IL1RAPL1: variants seen among roughly 807,000 people sequenced by gnomAD.
The protein encoded by IL1RAPL1 is interleukin 1 receptor accessory protein like 1.
A neutral mutation model predicts 48.4 loss-of-function variants in IL1RAPL1; 3 were observed. The ratio of observed to expected loss-of-function variants is 0.06; its 90% CI spans 0.03 to 0.16. The LOEUF (loss-of-function observed/expected upper bound fraction) is 0.16, where lower values mean the gene tolerates loss of function less well. Among genes scored for constraint, IL1RAPL1 ranks in the 10% least tolerant of loss-of-function variants. The pLI, the probability that IL1RAPL1 is intolerant of heterozygous loss-of-function variation, is 1.00. For synonymous variants in IL1RAPL1, 185 were observed against 187.7 expected (o/e 0.99, Z 0.12); for missense variants, 349 against 530.6 (o/e 0.66, Z 3.36).
chrX:28,590,972 G>A (rs945079786), intron 1 of IL1RAPL1, among the ~76,000 whole-genome samples: 6 of 111,925 alleles, frequency 5.4e-5, no homozygotes, highest in Non-Finnish European at 1.1e-4. Context: ...CTTTCTTTAG[G>A]AAGATTATGT....
chrX:29,123,872 AT>A (rs1443905013), intron 2 of IL1RAPL1, among the ~76,000 whole-genome samples: 2 of 111,859 alleles, frequency 1.8e-5, no homozygotes, highest in Non-Finnish European at 3.8e-5. Context: ...TAATTTTAAT[AT>A]TGATTACATG....
At chrX:29,737,680 G>A (rs1022419238) in intron 6 of IL1RAPL1, among the ~76,000 whole-genome samples, 5 of 111,777 alleles carry the variant, frequency 4.5e-5, no homozygotes, top group Non-Finnish European at 9.4e-5. Context: ...CCAAGAGCCG[G>A]GAAGTATCTC....
At chrX:28,737,169 CCTTCCTTCCTT>C (rs1569161826) in intron 1 of IL1RAPL1, among the ~76,000 whole-genome samples, 49 of 66,740 alleles carry the variant, frequency 7.3e-4, no homozygotes, top group African/African-American at 3.3e-3. Context: ...TTCCTTCCTT[CCTTCCTTCCTT>C]TCTTTCCTTT....
intron 1 of IL1RAPL1, among the ~76,000 whole-genome samples, chrX:28,658,650 T>C (rs761711029): frequency 5.4e-5 from 6 of 110,935 alleles, no homozygotes; most frequent in Non-Finnish European, 1.1e-4. Flanking sequence ...CAGAAAAGTA[T>C]AGTGAATGGA....
chrX:29,630,674 G>T (rs1484858622), intron 5 of IL1RAPL1, among the ~76,000 whole-genome samples: 1 of 109,985 alleles, frequency 9.1e-6, no homozygotes, highest in East Asian at 2.9e-4. Context: ...GAGTAGCTGG[G>T]ACTACAGGCG....
chrX:28,800,466 A>G (rs1936659819), intron 2 of IL1RAPL1, among the ~76,000 whole-genome samples: 1 of 111,606 alleles, frequency 9.0e-6, no homozygotes, highest in Admixed American at 9.6e-5. Context: ...TCCAGGGAAA[A>G]CATGCAGAGA....
intron 2 of IL1RAPL1, among the ~76,000 whole-genome samples, chrX:28,988,511 G>A (rs1374870068): frequency 9.0e-6 from 1 of 111,508 alleles, no homozygotes; most frequent in East Asian, 2.8e-4. Context: ...GGGCATGGGA[G>A]TATACACGAA....
At chrX:28,726,757 G>A (rs184679263) in intron 1 of IL1RAPL1, among the ~76,000 whole-genome samples, 1 of 111,334 alleles carries the variant, frequency 9.0e-6, no homozygotes, top group African/African-American at 3.3e-5. Flanking sequence ...AGGAAACTGA[G>A]GTATAGAGAG....
At chrX:28,929,612 C>T (rs1569201760) in intron 2 of IL1RAPL1, among the ~76,000 whole-genome samples, 1 of 112,492 alleles carries the variant, frequency 8.9e-6, no homozygotes, top group East Asian at 2.8e-4. Context: ...ATCTCTGCCA[C>T]TGAGAAATAA....
intron 2 of IL1RAPL1, among the ~76,000 whole-genome samples, chrX:29,239,102 A>G (rs920132008): frequency 1.8e-5 from 2 of 112,163 alleles, no homozygotes; most frequent in Non-Finnish European, 3.8e-5. Context: ...ACCTTTAAAA[A>G]TAACTTTTAG....
intron 6 of IL1RAPL1, among the ~76,000 whole-genome samples, chrX:29,740,993 T>C (rs1928181199): frequency 8.9e-6 from 1 of 111,975 alleles, no homozygotes; most frequent in Admixed American, 9.5e-5. Flanking sequence ...AGGACAACCC[T>C]AAATCCCAAG....
In IL1RAPL1 at chrX:29,417,250, A is replaced by T. The variant is rs921752811; in HGVS notation, c.703+17942A>T. On this transcript the variant is annotated intron_variant, in intron 5 of 10. Transcript: ENST00000378993. The stretch of plus-strand genomic sequence containing the variant: ...GTAACATATATTTAGAAGAATTTCT[A>T]AAAACTATTTTTGAGAAAACTGCAT... 2.3e-4 allele frequency among the ~76,000 whole-genome samples: 26 copies of T among 112,088 alleles called. No individual in the cohort carries two copies. In the Admixed American group the frequency reaches 2.5e-3, roughly 11 times the overall value.
At chrX:29,163,460 G>A (rs1032050370) in intron 2 of IL1RAPL1, among the ~76,000 whole-genome samples, 35 of 111,742 alleles carry the variant, frequency 3.1e-4, no homozygotes, top group African/African-American at 1.1e-3. Flanking sequence ...TAGGCAGTAG[G>A]CAATTTGGAA....
At chrX:29,494,109 G>A (rs894955074) in intron 5 of IL1RAPL1, among the ~76,000 whole-genome samples, 2 of 109,509 alleles carry the variant, frequency 1.8e-5, no homozygotes, top group East Asian at 2.9e-4. Context: ...CACCATATTG[G>A]TCAGGCTCGT....
At chrX:28,852,622 A>G (rs1921692025) in intron 2 of IL1RAPL1, among the ~76,000 whole-genome samples, 1 of 111,800 alleles carries the variant, frequency 8.9e-6, no homozygotes, top group Non-Finnish European at 1.9e-5. Context: ...ACACATGGAA[A>G]TAACTCATGT....
At chrX:29,009,847 G>A (rs1412183319) in intron 2 of IL1RAPL1, among the ~76,000 whole-genome samples, 1 of 112,099 alleles carries the variant, frequency 8.9e-6, no homozygotes, top group Non-Finnish European at 1.9e-5. Context: ...GCTTTGGGCA[G>A]TATGGCCATT....
At chrX:28,946,222 C>A (rs1291825946) in intron 2 of IL1RAPL1, among the ~76,000 whole-genome samples, 1 of 110,394 alleles carries the variant, frequency 9.1e-6, no homozygotes, top group Non-Finnish European at 1.9e-5. Flanking sequence ...CTGATTTATG[C>A]ATGTGTAACA....
In IL1RAPL1 at chrX:29,668,623, C is replaced by T. The variant is rs1926063449; in HGVS notation, c.778+119C>T. 9 of 580,576 alleles carry T rather than the reference C, an allele frequency of 1.6e-5. No individual in the cohort carries two copies. The East Asian group carries it at 3.4e-4, about 22-fold the overall frequency. 47.8% of individuals were successfully genotyped at this position (580,576 alleles called of 1,213,427 possible). On this transcript the variant is annotated intron_variant, in intron 6 of 10. Coordinates refer to ENST00000378993, the MANE Select transcript of IL1RAPL1 (RefSeq NM_014271.4). ...TAAATCCATTTGTATTCATAGGGAA[C>T]AGAATTAGAAAATGCTAGCATACCT...
At chrX:29,826,109 T>C (rs1930733764) in intron 6 of IL1RAPL1, among the ~76,000 whole-genome samples, 2 of 111,818 alleles carry the variant, frequency 1.8e-5, no homozygotes, top group African/African-American at 6.5e-5. Context: ...TACATTGTCA[T>C]GCGTCCAATC....
Sources: allele counts gnomAD v4.1 joint callset (sites outside exome capture counted in the v4.1 genomes callset), GRCh38; gene constraint gnomAD v4.1.1; transcripts MANE v1.5; gene names NCBI Gene and HGNC (gene_info 2026-07-23, HGNC 2026-07-21).